The following JMY variants were observed in gnomAD, a reference collection of about 807,000 sequenced individuals.
JMY encodes junction-mediating and -regulatory protein.
Under a neutral mutation model 103.3 loss-of-function variants are expected in JMY, and 46 were observed. That is an observed-to-expected ratio of 0.45 (90% CI 0.35 to 0.57). The LOEUF is 0.57. JMY is among the 20% of genes least tolerant of loss of function. JMY has a pLI of 0.00. For missense variants in JMY, 1,238 were observed against 1,255.2 expected (o/e 0.99, Z 0.21); for synonymous variants, 526 against 489.3 (o/e 1.07, Z -0.99).
intron 10 of JMY, among the ~76,000 whole-genome samples, 177 bp downstream of exon 10, chr5:79,316,487 C>T (rs1020907406): frequency 3.3e-5 from 5 of 152,090 alleles, no homozygotes; most frequent in African/African-American, 1.2e-4. Context: ...TTTCTAGAAA[C>T]TTAAGATAAC....
At chr5:79,258,516 C>T (rs889827190) in intron 1 of JMY, among the ~76,000 whole-genome samples, 30 of 152,030 alleles carry the variant, frequency 2.0e-4, no homozygotes, top group African/African-American at 7.2e-4. Flanking sequence ...GGGTCCCATG[C>T]CTGCCAAGGG....
chr5:79,291,501 G>A (rs1468772117), intron 4 of JMY, among the ~76,000 whole-genome samples: 3 of 152,198 alleles, frequency 2.0e-5, no homozygotes, highest in Non-Finnish European at 4.4e-5. Context: ...CAGTGTGATG[G>A]TTGGCAGCAC....
At chr5:79,282,140 G>T (rs781194405) in intron 2 of JMY, among the ~76,000 whole-genome samples, 24 of 152,278 alleles carry the variant, frequency 1.6e-4, no homozygotes, top group African/African-American at 5.1e-4. Flanking sequence ...CTGGGAGGTG[G>T]AGCTTGCAGT....
chr5:79,286,453 C>T (rs1022388692), intron 2 of JMY, among the ~76,000 whole-genome samples: 7 of 152,066 alleles, frequency 4.6e-5, no homozygotes, highest in African/African-American at 9.7e-5. Flanking sequence ...CCAGCCTGGC[C>T]AACGTCGTGA....
chr5:79,274,003 G>C (rs1358504541), intron 1 of JMY, among the ~76,000 whole-genome samples: 2 of 151,940 alleles, frequency 1.3e-5, no homozygotes, highest in Admixed American at 6.6e-5. Context: ...GCTAATTTTT[G>C]TATTTTTAGT....
intron 2 of JMY, among the ~76,000 whole-genome samples, chr5:79,280,852 A>G (rs187602367): frequency 5.1e-5 from 5 of 97,464 alleles, no homozygotes; most frequent in Admixed American, 5.1e-4. Context: ...CTGATTCCAA[A>G]GATTTTTTTT....
intron 4 of JMY, among the ~76,000 whole-genome samples, chr5:79,297,651 A>G (rs540351053): frequency 1.5e-3 from 223 of 152,250 alleles, no homozygotes; most frequent in Middle Eastern, 3.4e-3. Flanking sequence ...TGATCTCATA[A>G]AAGTCCTGTA....
At chr5:79,247,676 G>A (rs558259242) in intron 1 of JMY, among the ~76,000 whole-genome samples, 3 of 150,876 alleles carry the variant, frequency 2.0e-5, no homozygotes, top group East Asian at 3.9e-4. Flanking sequence ...TTTTTGAGGC[G>A]GAGTCTTGCT....
intron 4 of JMY, among the ~76,000 whole-genome samples, chr5:79,292,914 A>G (rs555380435): frequency 1.3e-5 from 2 of 152,286 alleles, no homozygotes; most frequent in Non-Finnish European, 2.9e-5. Flanking sequence ...TGCCAGGTTT[A>G]TGCTTGTTTT....
chr5:79,294,142 G>A (rs1198908235), intron 4 of JMY, among the ~76,000 whole-genome samples: 1 of 152,164 alleles, frequency 6.6e-6, no homozygotes, highest in Non-Finnish European at 1.5e-5. Flanking sequence ...GGTGGCTCAC[G>A]CCTGTAATCT....
chr5:79,296,665 C>T (rs1746572162), intron 4 of JMY, among the ~76,000 whole-genome samples: 1 of 152,300 alleles, frequency 6.6e-6, no homozygotes, highest in East Asian at 1.9e-4. Flanking sequence ...TTTTCGAACC[C>T]TCATTTCATT....
intron 10 of JMY, among the ~76,000 whole-genome samples, chr5:79,319,282 G>T (rs1384203687): frequency 2.0e-5 from 3 of 152,208 alleles, no homozygotes; most frequent in African/African-American, 7.2e-5. Flanking sequence ...TTTCGGGGGT[G>T]TGGGAGACGG....
chr5:79,255,127 C>CTTTTTTTT (rs1561291364), intron 1 of JMY, among the ~76,000 whole-genome samples: 10 of 79,622 alleles, frequency 1.3e-4, no homozygotes, highest in Non-Finnish European at 1.6e-4. Flanking sequence ...ATCTCTCTCT[C>CTTTTTTTT]CTTTTTTTTG....
intron 1 of JMY, among the ~76,000 whole-genome samples, chr5:79,272,174 A>T (rs79780966): frequency 6.6e-6 from 1 of 150,682 alleles, no homozygotes; most frequent in African/African-American, 2.4e-5. Flanking sequence ...CTTACAGTCT[A>T]TCTACTCTTT....
At chr5:79,276,905 G>A (rs1288096144) in intron 1 of JMY, among the ~76,000 whole-genome samples, 4 of 152,094 alleles carry the variant, frequency 2.6e-5, no homozygotes, top group African/African-American at 9.6e-5. Flanking sequence ...ATGCCTGGCC[G>A]ATTATTGTTT....
At chr5:79,290,009 C>A in intron 2 of JMY, 112 bp from the exon 3 acceptor site, 1 of 697,736 alleles carries the variant, frequency 1.4e-6, no homozygotes, top group Non-Finnish European at 2.2e-6. Flanking sequence ...AATAGCTTAT[C>A]CTCTTGAGCA....
rs1312297192 is a variant in JMY, at chr5:79,314,271, A to G, written c.2079A>G (p.Gln693=). 1 of 1,610,850 alleles carries G rather than the reference A, an allele frequency of 6.2e-7. No homozygotes were observed. Among genetic ancestry groups the G allele is most frequent in the Admixed American group, 1.7e-5 (1 of 59,528 alleles). ...TGGTATTTTAGAGGTATCCTGGGCA[A>G]GTCATACTTAAATCAACCAGATTAC... ...LRTFKQRYPG[Q]VILKSTRLRL... is the part of the protein sequence containing the mutation. Residue 693 remains glutamine (Q), a synonymous_variant, in exon 9 of 11, where the codon CAA becomes CAG. Coordinates refer to ENST00000396137, the MANE Select transcript of JMY (RefSeq NM_152405.5).
chr5:79,307,698 C>G (rs1304227472), intron 7 of JMY, among the ~76,000 whole-genome samples: 3 of 152,216 alleles, frequency 2.0e-5, no homozygotes, highest in East Asian at 3.9e-4. Context: ...GTCCAAATGC[C>G]TACTTGCCCC....
chr5:79,238,134 G>T (rs1456600782), intron 1 of JMY, among the ~76,000 whole-genome samples: 1 of 152,108 alleles, frequency 6.6e-6, no homozygotes, highest in Non-Finnish European at 1.5e-5. Context: ...TTTGTGCAGT[G>T]TGGCAACCTA....
Sources: gnomAD v4.1 joint callset for allele counts (sites outside exome capture counted in the v4.1 genomes callset) on GRCh38, gnomAD v4.1.1 for gene constraint, MANE v1.5 for transcripts, NCBI Gene and HGNC (gene_info 2026-07-23, HGNC 2026-07-21) for gene names.